UBE2Q1: variants seen among roughly 807,000 people sequenced by gnomAD.
The protein encoded by UBE2Q1 is ubiquitin-conjugating enzyme E2 Q1.
Under a neutral mutation model 60.1 loss-of-function variants are expected in UBE2Q1, and 6 were observed. The observed-to-expected ratio is 0.10, with a 90% CI of 0.05 to 0.20. The LOEUF (loss-of-function observed/expected upper bound fraction) is 0.20, where lower values mean the gene tolerates loss of function less well. Ranked by LOEUF, UBE2Q1 falls within the 10% of genes least tolerant of loss-of-function variation. UBE2Q1 has a pLI of 1.00. For synonymous variants in UBE2Q1, 226 were observed against 208.3 expected (o/e 1.09, Z -0.73); for missense variants, 262 against 525.8 (o/e 0.50, Z 4.91).
At chr1:154,557,466 C>T (rs1695912633) in intron 1 of UBE2Q1, among the ~76,000 whole-genome samples, 1 of 152,208 alleles carries the variant, frequency 6.6e-6, no homozygotes, top group African/African-American at 2.4e-5. Flanking sequence ...ATGACGCTCA[C>T]AGGGGAGAAA....
In UBE2Q1 at chr1:154,553,279, A is replaced by T. The variant is rs1695824322; in HGVS notation, c.589-107T>A. 3 of 1,424,460 alleles carry T rather than the reference A, an allele frequency of 2.1e-6. No individual in the cohort carries two copies. The Admixed American group carries it at 7.5e-5, about 36-fold the overall frequency. 88.2% of individuals were successfully genotyped at this position (1,424,460 alleles called of 1,614,324 possible). A position where few individuals can be genotyped will look rare whatever the true frequency, so the allele number is the denominator to read the frequency against. ...CCATTTGGCGAAGAGCCAAAAGTTAAAGTGAAGCAGTCCATCTAGCAGTCT... is the reference window on the plus strand; with the variant it reads ...CCATTTGGCGAAGAGCCAAAAGTTATAGTGAAGCAGTCCATCTAGCAGTCT... On this transcript the variant is annotated intron_variant, in intron 4 of 12. Coordinates refer to ENST00000292211, the MANE Select transcript of UBE2Q1 (RefSeq NM_017582.7).
In UBE2Q1 at chr1:154,558,612, GCTC is replaced by G. The variant is rs1306581168; in HGVS notation, c.-62_-60del. 1.8e-5 allele frequency: 17 copies of G among 946,214 alleles called. No homozygotes were observed. Among genetic ancestry groups the G allele is most frequent in the Admixed American group, 1.0e-4 (1 of 9,536 alleles). 58.6% of individuals were successfully genotyped at this position (946,214 alleles called of 1,614,324 possible). ...CGGGAGCCTCCGGCCTGCGCTCCGG[GCTC>G]CGCCGCCGCCGCCGCCGCCGCCGCC... On this transcript the variant is annotated 5_prime_UTR_variant, in exon 1 of 13. Transcript: ENST00000292211.
At chr1:154,550,891 G>A in intron 12 of UBE2Q1, 47 bp downstream of exon 12, 1 of 1,613,880 alleles carries the variant, frequency 6.2e-7, no homozygotes, top group Non-Finnish European at 8.5e-7. Flanking sequence ...GTGAAAACCT[G>A]GGTGTGGCAA....
chr1:154,554,605 G>A (rs756457618), intron 4 of UBE2Q1, 130 bp downstream of exon 4: 2 of 952,210 alleles, frequency 2.1e-6, no homozygotes, highest in Non-Finnish European at 1.6e-6. Context: ...ATTCCTCCAG[G>A]TCAGTAAATC....
chr1:154,552,268 C>A, intron 7 of UBE2Q1, 85 bp from the exon 8 acceptor site: 5 of 1,591,826 alleles, frequency 3.1e-6, no homozygotes, highest in Non-Finnish European at 4.3e-6. Context: ...TGGCAGCAGA[C>A]CACGAAACCA....
At chr1:154,558,136 C>T (rs748675864) in intron 1 of UBE2Q1, 91 bp downstream of exon 1, 1,037 of 1,135,752 alleles carry the variant, frequency 9.1e-4, no homozygotes, top group Non-Finnish European at 1.2e-3. Flanking sequence ...GCTTCGGCCT[C>T]CCAGGTCCTT....
At chr1:154,555,576 C>T (rs780678154) in intron 2 of UBE2Q1, 44 bp from the exon 3 acceptor site, 22 of 1,569,240 alleles carry the variant, frequency 1.4e-5, no homozygotes, top group Middle Eastern at 3.3e-4. Flanking sequence ...TTCCCCACTC[C>T]GATCTGGATA....
chr1:154,554,500 T>C (rs1695848965), intron 4 of UBE2Q1: 1 of 401,486 alleles, frequency 2.5e-6, no homozygotes. Context: ...TCCAAAGCCA[T>C]TTGAAATTAA....
rs928721574 is a variant in UBE2Q1 at position 154,555,614 on chromosome 1, C to G, written c.433-82G>C. 6.1e-6 allele frequency: 8 copies of G among 1,310,442 alleles called. No individual in the cohort carries two copies. The African/African-American group carries it at 1.0e-4, about 17-fold the overall frequency. The allele number at this position is 1,310,442 out of a possible 1,614,324, so 81.2% of individuals were successfully genotyped here. A position where few individuals can be genotyped will look rare whatever the true frequency, so the allele number is the denominator to read the frequency against. On this transcript the variant is annotated intron_variant, in intron 2 of 12. Coordinates refer to ENST00000292211, the MANE Select transcript of UBE2Q1 (RefSeq NM_017582.7). Reference sequence around the variant, plus strand: ...TGCATGGATGAGCTCTTAGTTTGGGCCCCACACCAATAACTAGTTCTCTAA... The same window carrying G: ...TGCATGGATGAGCTCTTAGTTTGGGGCCCACACCAATAACTAGTTCTCTAA...
intron 1 of UBE2Q1, among the ~76,000 whole-genome samples, chr1:154,557,240 G>A (rs921933924): frequency 6.6e-6 from 1 of 152,196 alleles, no homozygotes; most frequent in African/African-American, 2.4e-5. Context: ...AGGCTACTCC[G>A]ATTAGGTCTG....
At position 154,553,853 on chromosome 1, in the gene UBE2Q1, G is replaced by A. The variant is rs577081569; in HGVS notation, c.589-681C>T. On this transcript the variant is annotated intron_variant, in intron 4 of 12. Transcript: ENST00000292211. Reference sequence around the variant, plus strand: ...GGGTTGAGCCCCTCAGCCAGATGTTGGGGGTGTGGCCCAGAGGGCTGTCCA... The same window carrying A: ...GGGTTGAGCCCCTCAGCCAGATGTTAGGGGTGTGGCCCAGAGGGCTGTCCA... 3.3e-5 allele frequency among the ~76,000 whole-genome samples: 5 copies of A among 152,342 alleles called. No individual in the cohort carries two copies. In the East Asian group the frequency reaches 9.6e-4, roughly 29 times the overall value.
rs926988703 is a variant in UBE2Q1 at position 154,550,132 on chromosome 1, G to A, written c.*306C>T. 5.3e-6 allele frequency: 2 copies of A among 379,202 alleles called. No individual in the cohort carries two copies. The highest frequency in any genetic ancestry group is 9.5e-6 in the Non-Finnish European group (2 of 209,646). 23.5% of individuals were successfully genotyped at this position (379,202 alleles called of 1,614,324 possible). A position where few individuals can be genotyped will look rare whatever the true frequency, so the allele number is the denominator to read the frequency against. On this transcript the variant is annotated 3_prime_UTR_variant, in exon 13 of 13. Coordinates refer to ENST00000292211, the MANE Select transcript of UBE2Q1 (RefSeq NM_017582.7). ...ATAGGTAAGGAGGCTCTAGTCTGGA[G>A]CACAGCTGAGTTTCCAGCAATATAA...
At chr1:154,554,899 G>A (rs2149362386) in intron 3 of UBE2Q1, 114 bp from the exon 4 acceptor site, 1 of 1,052,014 alleles carries the variant, frequency 9.5e-7, no homozygotes, top group South Asian at 1.6e-5. Flanking sequence ...TGCCTGTAAT[G>A]CTGCCAGTCT....
chr1:154,554,387 G>A (rs1012048605), intron 4 of UBE2Q1, among the ~76,000 whole-genome samples: 1 of 152,118 alleles, frequency 6.6e-6, no homozygotes, highest in African/African-American at 2.4e-5. Flanking sequence ...ATATGCAGTA[G>A]GTATTATAAT....
rs772565865 is a variant in UBE2Q1, at chr1:154,558,208, C to T, written c.327+19G>A. On this transcript the variant is annotated intron_variant, in intron 1 of 12. Transcript: ENST00000292211. Reference sequence around the variant, plus strand: ...CTGACAAGGGGCCCCCACAGAGGCGCACGCGAGGGGGTCCTCACCGTGATG... The same window carrying T: ...CTGACAAGGGGCCCCCACAGAGGCGTACGCGAGGGGGTCCTCACCGTGATG... 2 of 1,504,542 alleles carry T rather than the reference C, an allele frequency of 1.3e-6. No homozygotes were observed. Among genetic ancestry groups the T allele is most frequent in the Non-Finnish European group, 8.9e-7 (1 of 1,126,992 alleles). 93.2% of individuals were successfully genotyped at this position (1,504,542 alleles called of 1,614,324 possible).
rs755321146 is a variant in UBE2Q1, at chr1:154,551,742, G to T, written c.1074+29C>A. 2.5e-6 allele frequency: 4 copies of T among 1,614,150 alleles called. No individual in the cohort carries two copies. The Admixed American group carries it at 6.7e-5, about 27-fold the overall frequency. On this transcript the variant is annotated intron_variant, in intron 10 of 12. Transcript: ENST00000292211. ...GCTCAGACAATCCCCGCCCAGGCCG[G>T]CCTGGCCAAGGAGGAGAGACAGGCT...
chr1:154,551,218 T>C, intron 11 of UBE2Q1, 179 bp downstream of exon 11: 1 of 829,280 alleles, frequency 1.2e-6, no homozygotes, highest in Non-Finnish European at 1.9e-6. Context: ...GTCCTAGGGG[T>C]GCCCCTAGGG....
chr1:154,550,844 G>C, intron 12 of UBE2Q1, 94 bp downstream of exon 12: 2 of 1,604,884 alleles, frequency 1.2e-6, no homozygotes, highest in Non-Finnish European at 1.7e-6. Context: ...TTGAGTATCA[G>C]AAACCAAAAG....
chr1:154,556,074 C>T, intron 1 of UBE2Q1, 110 bp from the exon 2 acceptor site: 2 of 819,770 alleles, frequency 2.4e-6, no homozygotes, highest in Non-Finnish European at 4.0e-6. Context: ...TTCCCACCCC[C>T]ACCCCCTACA....
Sources: allele counts gnomAD v4.1 joint callset (sites outside exome capture counted in the v4.1 genomes callset), GRCh38; gene constraint gnomAD v4.1.1; transcripts MANE v1.5; gene names NCBI Gene and HGNC (gene_info 2026-07-23, HGNC 2026-07-21).